The following MYO3B variants were observed in gnomAD, a reference collection of about 807,000 sequenced individuals.
MYO3B encodes myosin IIIB, also known as myosin-IIIb.
Under a neutral mutation model 174.6 loss-of-function variants are expected in MYO3B, and 156 were observed. That is an observed-to-expected ratio of 0.89 (90% CI 0.78 to 1.02). The LOEUF (loss-of-function observed/expected upper bound fraction) is 1.02. Among genes scored for constraint, MYO3B ranks in the 50% least tolerant of loss-of-function variants. MYO3B has a pLI of 0.00. For synonymous variants in MYO3B, 563 were observed against 569.1 expected (o/e 0.99, Z 0.15); for missense variants, 1,632 against 1,639.4 (o/e 1.00, Z 0.08).
In MYO3B at chr2:170,499,704, G is replaced by A. The variant is rs1474057381; in HGVS notation, c.3185G>A (p.Gly1062Asp). 6.2e-7 allele frequency: 1 copy of A among 1,614,124 alleles called. No individual in the cohort carries two copies. Among genetic ancestry groups the A allele is most frequent in the Admixed American group, 1.7e-5 (1 of 60,022 alleles). The change falls in exon 27 of 35, where the codon GGC becomes GAC. Residue 1062 changes from glycine (G) to aspartate (D), a missense_variant. By Grantham distance (94) the Gly-to-Asp change is moderately conservative. Coordinates refer to ENST00000408978, the MANE Select transcript of MYO3B (RefSeq NM_138995.5). ...QLNLLLREVI[G>D]RVVVLQAYTK... ...AATTTGCTGCTTCGAGAAGTCATAG[G>A]CAGAGTGGTTGTGCTGCAGGCATAT...
intron 29 of MYO3B, among the ~76,000 whole-genome samples, chr2:170,518,166 A>C (rs1575106661): frequency 6.6e-6 from 1 of 152,208 alleles, no homozygotes; most frequent in Non-Finnish European, 1.5e-5. Context: ...GAGGAACCAA[A>C]CTGACAATTT....
chr2:170,227,477 G>A (rs906322388), intron 6 of MYO3B, among the ~76,000 whole-genome samples: 1 of 594 alleles, frequency 1.7e-3, no homozygotes, highest in African/African-American at 2.5e-3. Context: ...TAGAGACAGG[G>A]TTCCATCATG....
chr2:170,556,290 CA>C (rs1054469329), intron 32 of MYO3B, among the ~76,000 whole-genome samples: 4 of 151,998 alleles, frequency 2.6e-5, no homozygotes, highest in African/African-American at 9.7e-5. Context: ...GTGAACCTAC[CA>C]TAAACATTTG....
intron 25 of MYO3B, among the ~76,000 whole-genome samples, chr2:170,486,763 C>T (rs1686091056): frequency 6.6e-6 from 1 of 152,136 alleles, no homozygotes; most frequent in Non-Finnish European, 1.5e-5. Flanking sequence ...TTTATGAATT[C>T]ACTCCCCAGC....
intron 1 of MYO3B, among the ~76,000 whole-genome samples, chr2:170,183,906 C>A (rs922735150): frequency 2.0e-5 from 3 of 151,908 alleles, no homozygotes; most frequent in African/African-American, 7.3e-5. Context: ...TTAAAACTTA[C>A]CAGATTCATT....
chr2:170,572,607 CAAAA>C (rs574487856), intron 32 of MYO3B, among the ~76,000 whole-genome samples: 2 of 124,028 alleles, frequency 1.6e-5, no homozygotes, highest in Non-Finnish European at 1.7e-5. Flanking sequence ...GACCCTATAT[CAAAA>C]AAAAAAAAAA....
At chr2:170,461,775 TAAAAA>T (rs5836280) in intron 23 of MYO3B, among the ~76,000 whole-genome samples, 5 of 144,870 alleles carry the variant, frequency 3.5e-5, no homozygotes, top group Admixed American at 1.4e-4. Context: ...AAACTCCGTT[TAAAAA>T]AAAAAAAAAA....
At chr2:170,219,416 G>A (rs536786320) in intron 6 of MYO3B, among the ~76,000 whole-genome samples, 21 of 152,282 alleles carry the variant, frequency 1.4e-4, no homozygotes, top group African/African-American at 5.1e-4. Context: ...GGCCGACGCA[G>A]GCAGATCATT....
chr2:170,282,220 T>C (rs761987872), intron 7 of MYO3B, among the ~76,000 whole-genome samples: 4 of 152,166 alleles, frequency 2.6e-5, no homozygotes, highest in Non-Finnish European at 5.9e-5. Flanking sequence ...TTTCTTCTAG[T>C]AGTTTTATAG....
chr2:170,402,974 G>T lies in MYO3B; in HGVS notation c.2256G>T (p.Gln752His), dbSNP rs966918074. ...ANEQIQYYFN[Q>H]HVFALEQMEY... ...AGCAAATCCAGTACTATTTCAATCAGCATGTTTTTGCTCTTGAGCAGGTAA... is the reference window on the plus strand; with the variant it reads ...AGCAAATCCAGTACTATTTCAATCATCATGTTTTTGCTCTTGAGCAGGTAA... Residue 752 changes from glutamine to histidine, a missense_variant, in exon 19 of 35, where the codon CAG becomes CAT. Transcript: ENST00000408978. The T allele has an allele frequency of 1.7e-5, 27 of 1,602,024 alleles. No individual in the cohort carries two copies. Among genetic ancestry groups the T allele is most frequent in the Non-Finnish European group, 2.3e-5 (27 of 1,170,854 alleles).
At chr2:170,572,561 G>T (rs2106281494) in intron 32 of MYO3B, among the ~76,000 whole-genome samples, 1 of 149,524 alleles carries the variant, frequency 6.7e-6, no homozygotes, top group Middle Eastern at 3.5e-3. Context: ...GCTGCAGTGA[G>T]CCATGATTGC....
chr2:170,627,868 A>G (rs1181917174), intron 32 of MYO3B, among the ~76,000 whole-genome samples: 1 of 141,440 alleles, frequency 7.1e-6, no homozygotes, highest in Non-Finnish European at 1.6e-5. Context: ...ATCAGCGAAT[A>G]TTGCTGAACA....
At chr2:170,603,259 T>C (rs1370609477) in intron 32 of MYO3B, among the ~76,000 whole-genome samples, 1 of 152,048 alleles carries the variant, frequency 6.6e-6, no homozygotes, top group Non-Finnish European at 1.5e-5. Context: ...ATAGAAGTCT[T>C]AGTATTGTTT....
intron 7 of MYO3B, among the ~76,000 whole-genome samples, chr2:170,248,742 C>T (rs563339946): frequency 6.6e-6 from 1 of 152,218 alleles, no homozygotes; most frequent in Non-Finnish European, 1.5e-5. Context: ...TTTGATTATA[C>T]TGGACCCACC....
chr2:170,487,191 G>A (rs1206107558), intron 25 of MYO3B, among the ~76,000 whole-genome samples: 1 of 152,178 alleles, frequency 6.6e-6, no homozygotes, highest in Non-Finnish European at 1.5e-5. Flanking sequence ...CTCTTCATCA[G>A]TTTCTCATAC....
At chr2:170,339,627 C>T (rs1378016416) in intron 8 of MYO3B, among the ~76,000 whole-genome samples, 2 of 152,070 alleles carry the variant, frequency 1.3e-5, no homozygotes, top group Non-Finnish European at 2.9e-5. Flanking sequence ...TTTCCAGCCT[C>T]CTTAATTTAG....
chr2:170,200,127 T>C, intron 2 of MYO3B, 23 bp from the exon 3 acceptor site: 1 of 1,606,150 alleles, frequency 6.2e-7, no homozygotes, highest in South Asian at 1.1e-5. Context: ...TTAATCCAGC[T>C]TGCATTTTTC....
rs1467674559 is a variant in MYO3B, at chr2:170,463,529, G to C, written c.2808+84G>C. On this transcript the variant is annotated intron_variant, in intron 24 of 34. Transcript: ENST00000408978. Reference sequence around the variant, plus strand: ...CTTATGAGATGCCCAGATGGAGTCAGTGAAACAAGGGCAAAGCACAGAGTC... The same window carrying C: ...CTTATGAGATGCCCAGATGGAGTCACTGAAACAAGGGCAAAGCACAGAGTC... 4.2e-6 allele frequency: 5 copies of C among 1,182,336 alleles called. No homozygotes were observed. The Admixed American group carries it at 6.1e-5, about 14-fold the overall frequency. The allele number at this position is 1,182,336 out of a possible 1,614,324, so 73.2% of individuals were successfully genotyped here.
intron 7 of MYO3B, among the ~76,000 whole-genome samples, chr2:170,286,993 G>A (rs993863379): frequency 6.6e-6 from 1 of 151,946 alleles, no homozygotes; most frequent in Non-Finnish European, 1.5e-5. Flanking sequence ...GTCTTTCTGT[G>A]CATGGCTTTT....
Sources: allele counts gnomAD v4.1 joint callset (sites outside exome capture counted in the v4.1 genomes callset), GRCh38; gene constraint gnomAD v4.1.1; transcripts MANE v1.5; gene names NCBI Gene and HGNC (gene_info 2026-07-23, HGNC 2026-07-21).